Variants in DGLUCY observed in about 807,000 individuals in gnomAD.
The protein encoded by DGLUCY is D-glutamate cyclase.
Under a neutral mutation model 58.5 loss-of-function variants are expected in DGLUCY, and 58 were observed. The observed-to-expected ratio is 0.99, with a 90% CI of 0.80 to 1.23. DGLUCY has a LOEUF of 1.23. Ranked by LOEUF, DGLUCY falls within the 50% of genes most tolerant of loss-of-function variation. The probability of loss-of-function intolerance (pLI) is 0.00; values close to 1 mark genes in which losing one functional copy is unlikely to be tolerated. For synonymous variants in DGLUCY, 325 were observed against 314.1 expected (o/e 1.03, Z -0.37); for missense variants, 779 against 784.7 (o/e 0.99, Z 0.09).
At chr14:91,104,069 T>TTTTTTTCTTTTC (rs1299506194), upstream of DGLUCY, among the ~76,000 whole-genome samples, 4 of 132,252 alleles carry the variant, frequency 3.0e-5, no homozygotes, top group African/African-American at 1.1e-4. Flanking sequence ...TTCTTTTTTT[T>TTTTTTTCTTTTC]TTTTTTTTTT....
chr14:91,121,329 T>C (rs2045344725), intron 1 of DGLUCY, among the ~76,000 whole-genome samples: 1 of 152,146 alleles, frequency 6.6e-6, no homozygotes, highest in Admixed American at 6.6e-5. Flanking sequence ...TGCTACCTGC[T>C]CTGTACCTAA....
upstream of DGLUCY, among the ~76,000 whole-genome samples, chr14:91,111,240 G>A (rs2044691794): frequency 9.3e-6 from 1 of 108,020 alleles, no homozygotes; most frequent in African/African-American, 4.0e-5. Context: ...GTGTGTGTGT[G>A]TGTGTGTGTA....
chr14:91,137,510 T>G (rs1166174088), intron 1 of DGLUCY, among the ~76,000 whole-genome samples: 1 of 151,826 alleles, frequency 6.6e-6, no homozygotes, highest in Non-Finnish European at 1.5e-5. Flanking sequence ...CTCAGCCTCC[T>G]GAGTGGCTGG....
upstream of DGLUCY, among the ~76,000 whole-genome samples, chr14:91,105,475 C>G (rs1224581185): frequency 6.6e-6 from 1 of 152,078 alleles, no homozygotes; most frequent in Non-Finnish European, 1.5e-5. Context: ...GAGCCCTGTG[C>G]CAGGCCTGGT....
At chr14:91,139,285 C>T (rs1303308212) in intron 1 of DGLUCY, among the ~76,000 whole-genome samples, 1 of 152,260 alleles carries the variant, frequency 6.6e-6, no homozygotes, top group East Asian at 1.9e-4. Flanking sequence ...TCGAGTCCTC[C>T]GTAGACTGCA....
At chr14:91,122,855 C>T (rs2045466298) in intron 1 of DGLUCY, among the ~76,000 whole-genome samples, 1 of 152,090 alleles carries the variant, frequency 6.6e-6, no homozygotes, top group South Asian at 2.1e-4. Flanking sequence ...GATCCACCTG[C>T]CTCAGCCTCC....
chr14:91,117,073 C>T (rs1464862951), intron 1 of DGLUCY, among the ~76,000 whole-genome samples: 7 of 152,126 alleles, frequency 4.6e-5, no homozygotes, highest in Admixed American at 2.0e-4. Context: ...TTCCAGGAAA[C>T]GGGTGGGCAA....
intron 13 of DGLUCY, among the ~76,000 whole-genome samples, chr14:91,223,972 C>T (rs11626617): frequency 0.054 from 8,256 of 152,190 alleles, 290 homozygotes; most frequent in East Asian, 0.18. Context: ...CCCCGGGCTG[C>T]GGCTTCAGGA....
intron 1 of DGLUCY, among the ~76,000 whole-genome samples, chr14:91,121,865 G>A (rs947724480): frequency 2.6e-5 from 4 of 152,096 alleles, no homozygotes; most frequent in Non-Finnish European, 5.9e-5. Flanking sequence ...TTAGAAGTAA[G>A]CATCTGTCTC....
chr14:91,062,596 TATATATATATATATAA>T (rs1394047076), intron 1 of DGLUCY, among the ~76,000 whole-genome samples: 315 of 28,624 alleles, frequency 0.011, 15 homozygotes, highest in African/African-American at 0.015. Flanking sequence ...TATATATATA[TATATATATATATATAA>T]ACAATCCTTA....
At chr14:91,141,797 C>T (rs1328340286) in intron 1 of DGLUCY, among the ~76,000 whole-genome samples, 4 of 151,328 alleles carry the variant, frequency 2.6e-5, no homozygotes, top group Admixed American at 6.6e-5. Flanking sequence ...GTGATTCGCC[C>T]GCCTCAGCCT....
chr14:91,168,202 G>T (rs1336074210), intron 4 of DGLUCY, among the ~76,000 whole-genome samples: 2 of 152,002 alleles, frequency 1.3e-5, no homozygotes, highest in Non-Finnish European at 2.9e-5. Context: ...GGAGGTTGAG[G>T]CTGCGGTGAG....
At chr14:91,191,617 G>A (rs1241767911) in intron 9 of DGLUCY, among the ~76,000 whole-genome samples, 1 of 152,086 alleles carries the variant, frequency 6.6e-6, no homozygotes, top group Non-Finnish European at 1.5e-5. Context: ...CATCTCCCAA[G>A]AGACCATCTG....
At chr14:91,132,959 T>C (rs1382525139) in intron 1 of DGLUCY, among the ~76,000 whole-genome samples, 1 of 152,160 alleles carries the variant, frequency 6.6e-6, no homozygotes, top group East Asian at 1.9e-4. Context: ...ATGTCTTTCA[T>C]GTCTCCAAGG....
At chr14:91,067,091 AAAAAAAAAG>A (rs1158481982) in intron 1 of DGLUCY, among the ~76,000 whole-genome samples, 1 of 151,512 alleles carries the variant, frequency 6.6e-6, no homozygotes, top group Non-Finnish European at 1.5e-5. Flanking sequence ...AAAAAAAAAA[AAAAAAAAAG>A]AAAGAGTTAT....
intron 1 of DGLUCY, among the ~76,000 whole-genome samples, chr14:91,140,331 G>A (rs2046589054): frequency 6.6e-6 from 1 of 152,188 alleles, no homozygotes; most frequent in South Asian, 2.1e-4. Context: ...TCAATGACAT[G>A]TTGTTGTTTC....
chr14:91,096,008 C>A (rs1353424907), intron 1 of DGLUCY, among the ~76,000 whole-genome samples: 1 of 152,176 alleles, frequency 6.6e-6, no homozygotes, highest in Non-Finnish European at 1.5e-5. Flanking sequence ...CACTCATGGC[C>A]TCTGGGGATA....
chr14:91,085,902 C>T (rs1482203779), intron 1 of DGLUCY, among the ~76,000 whole-genome samples: 3 of 152,134 alleles, frequency 2.0e-5, no homozygotes, highest in Non-Finnish European at 2.9e-5. Flanking sequence ...GGTTCCCAAC[C>T]CCCAGGCCAT....
In DGLUCY at chr14:91,170,016, C is replaced by G. The variant is rs753354924; in HGVS notation, c.271C>G (p.Gln91Glu). 1.7e-5 allele frequency: 27 copies of G among 1,612,112 alleles called. No homozygotes were observed. Among genetic ancestry groups the G allele is most frequent in the Non-Finnish European group, 2.3e-5 (27 of 1,180,032 alleles). The change falls in exon 5 of 14, where the codon CAG (glutamine) becomes GAG (glutamate). Residue 91 changes from glutamine (Q) to glutamate (E), a missense_variant. Coordinates refer to ENST00000256324, the MANE Select transcript of DGLUCY (RefSeq NM_001102368.3). Reference sequence around the variant, plus strand: ...TTATGTCCCCAGGATGGGCCATCCCCAGTTCTGGAAATACGAGTTCGGTGC... The same window carrying G: ...TTATGTCCCCAGGATGGGCCATCCCGAGTTCTGGAAATACGAGTTCGGTGC... ...AISETRMGHP[Q>E]FWKYEFGACT... is the part of the protein sequence containing the mutation.
Sources: gnomAD v4.1 joint callset for allele counts (sites outside exome capture counted in the v4.1 genomes callset) on GRCh38, gnomAD v4.1.1 for gene constraint, MANE v1.5 for transcripts, NCBI Gene and HGNC (gene_info 2026-07-23, HGNC 2026-07-21) for gene names.